ZIC5: variants seen among roughly 807,000 people sequenced by gnomAD.
The protein encoded by ZIC5 is zinc finger protein ZIC 5.
Under a neutral mutation model 28.5 loss-of-function variants are expected in ZIC5, and 20 were observed. That is an observed-to-expected ratio of 0.70 (90% CI 0.49 to 1.02). The LOEUF (loss-of-function observed/expected upper bound fraction) is 1.02. Among genes scored for constraint, ZIC5 ranks in the 50% least tolerant of loss-of-function variants. ZIC5 has a pLI of 0.00. For synonymous variants in ZIC5, 488 were observed against 410.4 expected (o/e 1.19, Z -2.29); for missense variants, 951 against 899.7 (o/e 1.06, Z -0.73).
chr13:99,967,393 T>C (rs2053108158), intron 1 of ZIC5, among the ~76,000 whole-genome samples: 1 of 152,176 alleles, frequency 6.6e-6, no homozygotes, highest in South Asian at 2.1e-4. Context: ...CCTCGAAAAA[T>C]TCTCTGTAGA....
chr13:99,965,748 G>A lies in ZIC5; in HGVS notation c.1549C>T (p.His517Tyr). 6.2e-7 allele frequency: 1 copy of A among 1,614,028 alleles called. No individual in the cohort carries two copies. Among genetic ancestry groups the A allele is most frequent in the East Asian group, 2.2e-5 (1 of 44,898 alleles). Residue 517 changes from histidine to tyrosine, a missense_variant, in exon 2 of 2, where the codon CAT becomes TAT. Transcript: ENST00000267294. ...KFANSSDRKKHSHVHTSDKPY... is the reference protein window; with the variant it reads ...KFANSSDRKKYSHVHTSDKPY... The stretch of plus-strand genomic sequence containing the variant: ...TTGTCACTGGTGTGGACATGGGAAT[G>A]TTTCTTCCGATCACTGCTATTGGCA...
chr13:99,970,056 C>A, intron 1 of ZIC5, 71 bp downstream of exon 1: 7 of 1,596,342 alleles, frequency 4.4e-6, no homozygotes, highest in Admixed American at 1.8e-5. Flanking sequence ...GGAGGAGAAG[C>A]AGCGGCGGAA....
At position 99,970,567 on chromosome 13, in the gene ZIC5, G is replaced by C. The variant is rs770449936; in HGVS notation, c.1037C>G (p.Pro346Arg). 4 of 1,032,338 alleles carry C rather than the reference G, an allele frequency of 3.9e-6. No individual in the cohort carries two copies. The highest frequency in any genetic ancestry group is 1.7e-5 in the African/African-American group (1 of 57,944). 63.9% of individuals were successfully genotyped at this position (1,032,338 alleles called of 1,614,324 possible). Residue 346 changes from proline (P) to arginine (R), a missense_variant, in exon 1 of 2, where the codon CCG becomes CGG. Coordinates refer to ENST00000267294, the MANE Select transcript of ZIC5 (RefSeq NM_033132.5). ...TGGGAGGTGGGGGTGGTGCTGGTGC[G>C]GGTGCTGCGCGGGCGCCGGCGGCGG... ...PPPPPAPAQH[P>R]HQHHPHLPGA... is the part of the protein sequence containing the mutation.
intron 1 of ZIC5, among the ~76,000 whole-genome samples, chr13:99,967,595 GC>G (rs1374804114): frequency 2.0e-5 from 3 of 152,188 alleles, no homozygotes; most frequent in Non-Finnish European, 4.4e-5. Context: ...ACGCGAAGGT[GC>G]AATGCTGTTT....
Position 99,963,034 on chromosome 13 carries a change from A to G in ZIC5, c.*2343T>C, listed in dbSNP as rs1176791806. Reference sequence around the variant, plus strand: ...TAAAACATAAGCAATAATAACAAGAATACCTTTATTAAATTTGTTACTTCA... The same window carrying G: ...TAAAACATAAGCAATAATAACAAGAGTACCTTTATTAAATTTGTTACTTCA... On this transcript the variant is annotated 3_prime_UTR_variant, in exon 2 of 2. Transcript: ENST00000267294. 1 of 152,250 alleles carries G rather than the reference A, an allele frequency of 6.6e-6. No individual in the cohort carries two copies. The highest frequency in any genetic ancestry group is 1.5e-5 in the Non-Finnish European group (1 of 68,032). 9.4% of individuals were successfully genotyped at this position (152,250 alleles called of 1,614,324 possible). A position where few individuals can be genotyped will look rare whatever the true frequency, so the allele number is the denominator to read the frequency against.
At position 99,965,897 on chromosome 13, in the gene ZIC5, G is replaced by C. The variant is rs865830186; in HGVS notation, c.1478-78C>G. 13 of 1,468,386 alleles carry C rather than the reference G, an allele frequency of 8.9e-6. No homozygotes were observed. In the Middle Eastern group the frequency reaches 5.4e-4, roughly 61 times the overall value. The allele number at this position is 1,468,386 out of a possible 1,614,324, so 91.0% of individuals were successfully genotyped here. ...GACAGAAATCTTGAAGCAGAACCAA[G>C]GTTGTGTTTTTCCTATTCTCCCAGA... On this transcript the variant is annotated intron_variant, in intron 1 of 1. Transcript: ENST00000267294.
At chr13:99,967,411 TAACAAA>T (rs1156924036) in intron 1 of ZIC5, among the ~76,000 whole-genome samples, 1 of 152,246 alleles carries the variant, frequency 6.6e-6, no homozygotes, top group Non-Finnish European at 1.5e-5. Flanking sequence ...AGATGAGCTT[TAACAAA>T]AACAAAGCTA....
At chr13:99,968,331 C>T (rs1216304742) in intron 1 of ZIC5, among the ~76,000 whole-genome samples, 2 of 152,142 alleles carry the variant, frequency 1.3e-5, no homozygotes, top group Admixed American at 6.5e-5. Flanking sequence ...CCGGGTGGGG[C>T]CCACGCGGCC....
chr13:99,962,981 C>T lies in ZIC5; in HGVS notation c.*2396G>A, dbSNP rs2152151025. The T allele has an allele frequency of 6.6e-6, 1 of 152,272 alleles. No homozygotes were observed. The highest frequency in any genetic ancestry group is 6.5e-5 in the Admixed American group (1 of 15,292). The allele number at this position is 152,272 out of a possible 1,614,324, so 9.4% of individuals were successfully genotyped here. On this transcript the variant is annotated 3_prime_UTR_variant, in exon 2 of 2. Coordinates refer to ENST00000267294, the MANE Select transcript of ZIC5 (RefSeq NM_033132.5). ...ACATTCACTCCATTAGCAACCTGTT[C>T]TATTTGTATGAGAGATATGCCATTA...
At chr13:99,965,963 G>T (rs1246712559) in intron 1 of ZIC5, 144 bp from the exon 2 acceptor site, 2 of 924,688 alleles carry the variant, frequency 2.2e-6, no homozygotes, top group East Asian at 2.6e-5. Flanking sequence ...ATTCACAAAA[G>T]GGAAGGGATG....
chr13:99,965,914 T>C (rs1261647321), intron 1 of ZIC5, 95 bp from the exon 2 acceptor site: 9 of 1,312,104 alleles, frequency 6.9e-6, no homozygotes, highest in Non-Finnish European at 8.4e-6. Flanking sequence ...TTTTTCCTAT[T>C]CTCCCAGAGA....
rs184262635 is a variant in ZIC5, at chr13:99,963,227, T to C, written c.*2150A>G. ...AAACCTGTAGCATAATAAAGAATAG[T>C]GCAAACTACCATTGAAAAAGTTGTA... On this transcript the variant is annotated 3_prime_UTR_variant, in exon 2 of 2. Transcript: ENST00000267294. The C allele has an allele frequency of 3.3e-5, 5 of 152,698 alleles. No homozygotes were observed. Among genetic ancestry groups the C allele is most frequent in the South Asian group, 2.1e-4 (1 of 4,820 alleles). 9.5% of individuals were successfully genotyped at this position (152,698 alleles called of 1,614,324 possible).
Position 99,971,275 on chromosome 13 carries a change from C to T in ZIC5, c.329G>A (p.Gly110Asp). Reference sequence around the variant, plus strand: ...GCTGCCCCCGCCGCAGGGGTAGCTGCCCGCGCCGGGGTGCGCGACCAAGGC... The same window carrying T: ...GCTGCCCCCGCCGCAGGGGTAGCTGTCCGCGCCGGGGTGCGCGACCAAGGC... ...AAALVAHPGA[G>D]SYPCGGGSSG... Residue 110 changes from glycine (G) to aspartate (D), a missense_variant, in exon 1 of 2, where the codon GGC becomes GAC. Physicochemically the swap from Gly to Asp is moderately conservative, Grantham distance 94. Coordinates refer to ENST00000267294, the MANE Select transcript of ZIC5 (RefSeq NM_033132.5). The T allele has an allele frequency of 7.5e-7, 1 of 1,341,946 alleles. No homozygotes were observed. The highest frequency in any genetic ancestry group is 9.5e-7 in the Non-Finnish European group (1 of 1,055,864). The allele number at this position is 1,341,946 out of a possible 1,614,324, so 83.1% of individuals were successfully genotyped here.
In ZIC5 at chr13:99,964,951, G is replaced by A. The variant is rs545416335; in HGVS notation, c.*426C>T. 4.0e-5 allele frequency: 6 copies of A among 149,226 alleles called. No homozygotes were observed. The South Asian group carries it at 1.3e-3, about 32-fold the overall frequency. The allele number at this position is 149,226 out of a possible 1,614,324, so 9.2% of individuals were successfully genotyped here. A position where few individuals can be genotyped will look rare whatever the true frequency, so the allele number is the denominator to read the frequency against. On this transcript the variant is annotated 3_prime_UTR_variant, in exon 2 of 2. Transcript: ENST00000267294. ...CACTCTGGGAAATGCAGAGGGCCTT[G>A]GTGCTGTGTTAAGTTCTGACTTAAT...
chr13:99,966,886 T>C (rs566305945), intron 1 of ZIC5, among the ~76,000 whole-genome samples: 1 of 152,340 alleles, frequency 6.6e-6, no homozygotes, highest in Non-Finnish European at 1.5e-5. Context: ...GGTAACAGTC[T>C]AACTGAATTT....
rs562173642 is a variant in ZIC5 at position 99,963,179 on chromosome 13, T to C, written c.*2198A>G. The C allele has an allele frequency of 1.3e-5, 2 of 152,676 alleles. No individual in the cohort carries two copies. Among genetic ancestry groups the C allele is most frequent in the African/African-American group, 2.4e-5 (1 of 41,554 alleles). The allele number at this position is 152,676 out of a possible 1,614,324, so 9.5% of individuals were successfully genotyped here. A position where few individuals can be genotyped will look rare whatever the true frequency, so the allele number is the denominator to read the frequency against. On this transcript the variant is annotated 3_prime_UTR_variant, in exon 2 of 2. Coordinates refer to ENST00000267294, the MANE Select transcript of ZIC5 (RefSeq NM_033132.5). ...TGCATGGTAAAATACATAAAATACA[T>C]ATTCCTTTGTTTCATAATAAATAAA...
chr13:99,969,373 A>T (rs534650246), intron 1 of ZIC5, among the ~76,000 whole-genome samples: 5 of 152,142 alleles, frequency 3.3e-5, no homozygotes, highest in African/African-American at 1.2e-4. Context: ...ACTGCGTGTG[A>T]GAGGGCGCGT....
intron 1 of ZIC5, among the ~76,000 whole-genome samples, chr13:99,969,039 G>A (rs571006309): frequency 2.8e-3 from 419 of 152,350 alleles, no homozygotes; most frequent in African/African-American, 8.3e-3. Flanking sequence ...TCCTCCGAGG[G>A]GTAATCGTAT....
chr13:99,963,791 A>G lies in ZIC5; in HGVS notation c.*1586T>C, dbSNP rs1053013439. The G allele has an allele frequency of 6.6e-6, 1 of 152,308 alleles. No individual in the cohort carries two copies. Among genetic ancestry groups the G allele is most frequent in the African/African-American group, 2.4e-5 (1 of 41,436 alleles). The allele number at this position is 152,308 out of a possible 1,614,324, so 9.4% of individuals were successfully genotyped here. A position where few individuals can be genotyped will look rare whatever the true frequency, so the allele number is the denominator to read the frequency against. On this transcript the variant is annotated 3_prime_UTR_variant, in exon 2 of 2. Coordinates refer to ENST00000267294, the MANE Select transcript of ZIC5 (RefSeq NM_033132.5). Reference sequence around the variant, plus strand: ...AAAAAAGGATGATGTCTGAAAATAAATTAATTCAACTGTACAAATAATAGT... The same window carrying G: ...AAAAAAGGATGATGTCTGAAAATAAGTTAATTCAACTGTACAAATAATAGT...
Sources: gnomAD v4.1 joint callset for allele counts (sites outside exome capture counted in the v4.1 genomes callset) on GRCh38, gnomAD v4.1.1 for gene constraint, MANE v1.5 for transcripts, NCBI Gene and HGNC (gene_info 2026-07-23, HGNC 2026-07-21) for gene names.